ARHGAP15: variants seen among roughly 807,000 people sequenced by gnomAD.
ARHGAP15 encodes Rho GTPase activating protein 15.
ARHGAP15 carries 51 observed loss-of-function variants against 63.7 expected under a neutral mutation model. That is an observed-to-expected ratio of 0.80 (90% CI 0.64 to 1.01). The LOEUF is 1.01. Among genes scored for constraint, ARHGAP15 ranks in the 50% least tolerant of loss-of-function variants. The probability of loss-of-function intolerance (pLI) is 0.00; values close to 1 mark genes in which losing one functional copy is unlikely to be tolerated. For missense variants in ARHGAP15, 560 were observed against 564.6 expected, an observed-to-expected ratio of 0.99 and a Z score of 0.08; for synonymous variants, 191 against 193.8, an observed-to-expected ratio of 0.99 and a Z score of 0.12.
chr2:143,598,320 G>A (rs940933078), intron 11 of ARHGAP15, among the ~76,000 whole-genome samples: 8 of 152,128 alleles, frequency 5.3e-5, no homozygotes, highest in African/African-American at 1.9e-4. Context: ...GTCAAAAATA[G>A]CATCAAATGT....
At chr2:143,753,887 C>T (rs917220741) in intron 13 of ARHGAP15, among the ~76,000 whole-genome samples, 7 of 152,320 alleles carry the variant, frequency 4.6e-5, no homozygotes, top group Admixed American at 2.6e-4. Context: ...TGAACAATTA[C>T]AGGCCCTTAA....
chr2:143,396,020 A>G (rs1184998609), intron 6 of ARHGAP15, among the ~76,000 whole-genome samples: 1 of 152,046 alleles, frequency 6.6e-6, no homozygotes, highest in Non-Finnish European at 1.5e-5. Flanking sequence ...CAGGAAACAC[A>G]AGTACTTCCT....
intron 6 of ARHGAP15, among the ~76,000 whole-genome samples, chr2:143,320,404 C>CA (rs1683954346): frequency 1.2e-4 from 1 of 8,594 alleles, no homozygotes; most frequent in African/African-American, 3.1e-4. Context: ...ATCAGGACTT[C>CA]CCCACCCCCC....
intron 6 of ARHGAP15, among the ~76,000 whole-genome samples, chr2:143,387,176 C>T (rs953551143): frequency 2.0e-5 from 3 of 151,942 alleles, no homozygotes; most frequent in Admixed American, 6.6e-5. Context: ...ATCATTAATT[C>T]CTAGGGAAAA....
At chr2:143,159,450 A>G (rs2105018253) in intron 2 of ARHGAP15, among the ~76,000 whole-genome samples, 1 of 152,066 alleles carries the variant, frequency 6.6e-6, no homozygotes, top group Admixed American at 6.6e-5. Flanking sequence ...GCTTATAGTT[A>G]GGTTTGAGGC....
intron 12 of ARHGAP15, among the ~76,000 whole-genome samples, chr2:143,674,047 T>G (rs1456651091): frequency 6.6e-6 from 1 of 151,902 alleles, no homozygotes; most frequent in Non-Finnish European, 1.5e-5. Flanking sequence ...ACATTGCTGA[T>G]GAGAGTATAA....
intron 9 of ARHGAP15, among the ~76,000 whole-genome samples, chr2:143,511,634 A>G (rs1170565310): frequency 2.6e-5 from 4 of 152,114 alleles, no homozygotes; most frequent in East Asian, 1.9e-4. Flanking sequence ...ATGTTGTTCC[A>G]GGACAAGAGA....
At chr2:143,678,334 T>C (rs72994442) in intron 12 of ARHGAP15, among the ~76,000 whole-genome samples, 1 of 152,368 alleles carries the variant, frequency 6.6e-6, no homozygotes, top group African/African-American at 2.4e-5. Flanking sequence ...AGTATGCATC[T>C]TGAGAAAGCC....
intron 2 of ARHGAP15, among the ~76,000 whole-genome samples, chr2:143,201,335 C>A (rs1452816178): frequency 6.6e-6 from 1 of 151,712 alleles, no homozygotes; most frequent in Non-Finnish European, 1.5e-5. Context: ...GTTGCCCAGG[C>A]TAGGGCTCTT....
chr2:143,155,510 C>G lies in ARHGAP15; in HGVS notation c.20C>G (p.Ser7Cys). ...TATAATATGCAGAAATCTACAAATT[C>G]TGATACTTCCGTGGAAACACTGAAT... is the stretch of plus-strand genomic sequence containing the variant. MQKSTN[S>C]DTSVETLNST... The change falls in exon 2 of 14, where the codon TCT becomes TGT. Residue 7 changes from serine to cysteine, a missense_variant. Ser to Cys is a moderately radical substitution (Grantham distance 112). Transcript: ENST00000295095. 1 of 1,607,058 alleles carries G rather than the reference C, an allele frequency of 6.2e-7. No individual in the cohort carries two copies. Among genetic ancestry groups the G allele is most frequent in the Non-Finnish European group, 8.5e-7 (1 of 1,177,258 alleles).
intron 6 of ARHGAP15, among the ~76,000 whole-genome samples, chr2:143,340,665 C>A (rs1685020060): frequency 6.6e-6 from 1 of 151,886 alleles, no homozygotes; most frequent in Non-Finnish European, 1.5e-5. Context: ...TCATTAAGAG[C>A]AGAGATTGCC....
At chr2:143,377,649 T>G (rs1047273711) in intron 6 of ARHGAP15, among the ~76,000 whole-genome samples, 1 of 152,034 alleles carries the variant, frequency 6.6e-6, no homozygotes, top group Non-Finnish European at 1.5e-5. Context: ...TTATAATAAA[T>G]GTAATACAAC....
chr2:143,589,227 G>C (rs1697228537), intron 11 of ARHGAP15, among the ~76,000 whole-genome samples: 1 of 152,158 alleles, frequency 6.6e-6, no homozygotes, highest in African/African-American at 2.4e-5. Context: ...CTGGTCACTG[G>C]AATGATAGAG....
At chr2:143,388,890 C>T (rs1448841166) in intron 6 of ARHGAP15, among the ~76,000 whole-genome samples, 2 of 151,684 alleles carry the variant, frequency 1.3e-5, no homozygotes, top group Non-Finnish European at 2.9e-5. Flanking sequence ...GTATAAACAT[C>T]GATATGAATA....
chr2:143,285,792 G>T (rs1682066111), intron 6 of ARHGAP15, among the ~76,000 whole-genome samples: 1 of 152,124 alleles, frequency 6.6e-6, no homozygotes, highest in Non-Finnish European at 1.5e-5. Context: ...ATCAGTCCAT[G>T]AATATATATT....
At chr2:143,422,780 G>T (rs572511693) in intron 6 of ARHGAP15, among the ~76,000 whole-genome samples, 1 of 152,184 alleles carries the variant, frequency 6.6e-6, no homozygotes, top group East Asian at 1.9e-4. Context: ...CAGAGCCCCA[G>T]TTCCTAAAAG....
intron 13 of ARHGAP15, among the ~76,000 whole-genome samples, chr2:143,711,823 A>G (rs1265404220): frequency 6.6e-6 from 1 of 152,170 alleles, no homozygotes; most frequent in Non-Finnish European, 1.5e-5. Context: ...CAGCTACTCA[A>G]GTGGCTGAGA....
chr2:143,143,785 T>C (rs1300979735), intron 1 of ARHGAP15, among the ~76,000 whole-genome samples: 1 of 151,912 alleles, frequency 6.6e-6, no homozygotes, highest in Non-Finnish European at 1.5e-5. Context: ...AACTTTAAGT[T>C]CAGGGATATA....
intron 8 of ARHGAP15, among the ~76,000 whole-genome samples, chr2:143,472,441 G>A (rs902887241): frequency 6.6e-6 from 1 of 152,118 alleles, no homozygotes; most frequent in African/African-American, 2.4e-5. Context: ...GTGAGAAAAT[G>A]TACTGTCTCA....
Sources: gnomAD v4.1 joint callset for allele counts (sites outside exome capture counted in the v4.1 genomes callset) on GRCh38, gnomAD v4.1.1 for gene constraint, MANE v1.5 for transcripts, NCBI Gene and HGNC (gene_info 2026-07-23, HGNC 2026-07-21) for gene names.